Variants in VAV3 observed in about 807,000 individuals in gnomAD.
The protein encoded by VAV3 is vav guanine nucleotide exchange factor 3, also known as guanine nucleotide exchange factor VAV3.
In VAV3, 94 loss-of-function variants were observed where a neutral mutation model predicts 131.2. The ratio of observed to expected loss-of-function variants is 0.72; its 90% CI spans 0.61 to 0.85. The LOEUF is 0.85. VAV3 is among the 40% of genes least tolerant of loss of function. VAV3 has a pLI of 0.00. For missense variants in VAV3, 939 were observed against 1,002.7 expected (o/e 0.94, Z 0.86); for synonymous variants, 349 against 342.0 (o/e 1.02, Z -0.22).
rs763315082 is a variant in VAV3, at chr1:107,574,209, A to G, written c.2351-11T>C. On this transcript the variant is annotated splice_polypyrimidine_tract_variant and intron_variant, in intron 25 of 26. Transcript: ENST00000370056. ...CTTTTGGACTTAACACTGTCAAGAA[A>G]TGACAAGCAATGACAGTAGGTTTGC... 5.0e-6 allele frequency: 8 copies of G among 1,610,818 alleles called. No individual in the cohort carries two copies. The highest frequency in any genetic ancestry group is 5.9e-6 in the Non-Finnish European group (7 of 1,178,952).
chr1:107,736,443 G>A (rs1378517119), intron 15 of VAV3, among the ~76,000 whole-genome samples: 1 of 152,166 alleles, frequency 6.6e-6, no homozygotes, highest in Non-Finnish European at 1.5e-5. Flanking sequence ...TGACACGATT[G>A]TATATTTAGA....
At chr1:107,851,886 C>T (rs1669249261) in intron 2 of VAV3, among the ~76,000 whole-genome samples, 1 of 152,056 alleles carries the variant, frequency 6.6e-6, no homozygotes, top group East Asian at 1.9e-4. Context: ...TACGAGTTTG[C>T]TGATTTTTTT....
rs1253709612 is a variant in VAV3 at position 107,766,593 on chromosome 1, C to G, written c.718-43G>C. ...TGTGAAAGGAAAGTAGGAATAACAACCAAAAAATACACCCCAAACCCAGAA... is the reference window on the plus strand; with the variant it reads ...TGTGAAAGGAAAGTAGGAATAACAAGCAAAAAATACACCCCAAACCCAGAA... On this transcript the variant is annotated intron_variant, in intron 7 of 26. Transcript: ENST00000370056. 1.2e-5 allele frequency: 17 copies of G among 1,466,040 alleles called. No individual in the cohort carries two copies. In the South Asian group the frequency reaches 2.0e-4, roughly 17 times the overall value. The allele number at this position is 1,466,040 out of a possible 1,614,324, so 90.8% of individuals were successfully genotyped here.
At chr1:107,717,540 G>C (rs572140138) in intron 15 of VAV3, among the ~76,000 whole-genome samples, 27 of 152,306 alleles carry the variant, frequency 1.8e-4, no homozygotes, top group Non-Finnish European at 2.6e-4. Flanking sequence ...CCATGTAGTT[G>C]TGCGGTTTTG....
At chr1:107,785,393 G>T (rs1407750977) in intron 2 of VAV3, 58 of 1,293,250 alleles carry the variant, frequency 4.5e-5, no homozygotes, top group Non-Finnish European at 5.4e-5. Context: ...AGACCCAAAA[G>T]GAAAGGCCGG....
intron 24 of VAV3, among the ~76,000 whole-genome samples, chr1:107,597,106 T>C (rs1163851339): frequency 1.3e-5 from 2 of 151,924 alleles, no homozygotes; most frequent in Admixed American, 1.3e-4. Context: ...TATCTTATCA[T>C]CAAATGAGTC....
At chr1:107,637,066 A>G (rs765681393) in intron 20 of VAV3, among the ~76,000 whole-genome samples, 6 of 152,178 alleles carry the variant, frequency 3.9e-5, no homozygotes, top group Non-Finnish European at 5.9e-5. Context: ...GAAGATCAAT[A>G]AAATGCATAC....
At chr1:107,834,880 G>A (rs1668402733) in intron 2 of VAV3, among the ~76,000 whole-genome samples, 1 of 152,000 alleles carries the variant, frequency 6.6e-6, no homozygotes, top group Non-Finnish European at 1.5e-5. Context: ...TCTCACCATG[G>A]ACCTCTGGGA....
intron 15 of VAV3, among the ~76,000 whole-genome samples, chr1:107,708,845 T>C (rs1370084884): frequency 6.6e-6 from 1 of 152,048 alleles, no homozygotes; most frequent in African/African-American, 2.4e-5. Context: ...AATTTTTCCT[T>C]CCCTGAAATC....
At position 107,964,937 on chromosome 1, in the gene VAV3, C is replaced by A. The variant is rs1383049934; in HGVS notation, c.-68G>T. On this transcript the variant is annotated 5_prime_UTR_variant, in exon 1 of 27. Transcript: ENST00000370056. ...AGGATGCGGCCGCCGCCGCCGCCGC[C>A]GCGGTTCCTCCGCGCCCCGCCGACG... 1 of 780,082 alleles carries A rather than the reference C, an allele frequency of 1.3e-6. No homozygotes were observed. Among genetic ancestry groups the A allele is most frequent in the East Asian group, 4.4e-5 (1 of 22,826 alleles). 48.3% of individuals were successfully genotyped at this position (780,082 alleles called of 1,614,324 possible).
intron 2 of VAV3, among the ~76,000 whole-genome samples, chr1:107,827,092 A>G (rs1668049416): frequency 6.6e-6 from 1 of 152,070 alleles, no homozygotes; most frequent in Admixed American, 6.6e-5. Context: ...CAAAATTTTA[A>G]TATGCATGTA....
At chr1:107,863,745 G>GT (rs564968538) in intron 2 of VAV3, among the ~76,000 whole-genome samples, 4 of 152,236 alleles carry the variant, frequency 2.6e-5, no homozygotes, top group South Asian at 4.1e-4. Context: ...AGGAAATAGA[G>GT]TTTTTTTAAA....
chr1:107,896,795 AC>A (rs1434405654), intron 1 of VAV3, among the ~76,000 whole-genome samples: 3 of 152,164 alleles, frequency 2.0e-5, no homozygotes, highest in Non-Finnish European at 4.4e-5. Flanking sequence ...CACTTTTCAG[AC>A]TTAAACTGTT....
chr1:107,665,720 T>C (rs571492358), intron 19 of VAV3, among the ~76,000 whole-genome samples: 76 of 152,316 alleles, frequency 5.0e-4, no homozygotes, highest in Non-Finnish European at 9.0e-4. Flanking sequence ...AGCCAGTGTC[T>C]TGCAGGCCAA....
At chr1:107,803,273 A>G (rs766381004) in intron 2 of VAV3, among the ~76,000 whole-genome samples, 6 of 151,852 alleles carry the variant, frequency 4.0e-5, no homozygotes, top group Non-Finnish European at 8.8e-5. Flanking sequence ...TTATCTTTTC[A>G]GAAAACCAAC....
At chr1:107,615,596 A>G (rs765975698) in intron 21 of VAV3, among the ~76,000 whole-genome samples, 1 of 152,202 alleles carries the variant, frequency 6.6e-6, no homozygotes, top group African/African-American at 2.4e-5. Context: ...AAATTGACAA[A>G]TGGGACCTAA....
chr1:107,923,278 C>T (rs1318528507), intron 1 of VAV3, among the ~76,000 whole-genome samples: 1 of 152,100 alleles, frequency 6.6e-6, no homozygotes, highest in African/African-American at 2.4e-5. Context: ...CTGCATCAGG[C>T]CTGATCTTCC....
intron 15 of VAV3, among the ~76,000 whole-genome samples, chr1:107,705,980 C>T (rs1034475256): frequency 6.6e-6 from 1 of 152,084 alleles, no homozygotes; most frequent in African/African-American, 2.4e-5. Context: ...ATTTTGAAAA[C>T]ATTTAACTTT....
intron 2 of VAV3, among the ~76,000 whole-genome samples, chr1:107,818,809 G>GT (rs2102352821): frequency 6.6e-6 from 1 of 152,212 alleles, no homozygotes; most frequent in East Asian, 1.9e-4. Flanking sequence ...TGGTTATTCA[G>GT]TCCCCCCACC....
Sources: gnomAD v4.1 joint callset for allele counts (sites outside exome capture counted in the v4.1 genomes callset) on GRCh38, gnomAD v4.1.1 for gene constraint, MANE v1.5 for transcripts, NCBI Gene and HGNC (gene_info 2026-07-23, HGNC 2026-07-21) for gene names.